NGEF: variants seen among roughly 807,000 people sequenced by gnomAD.
The protein encoded by NGEF is ephexin-1.
In NGEF, 31 loss-of-function variants were observed where a neutral mutation model predicts 80.9. The observed-to-expected ratio is 0.38, with a 90% CI of 0.29 to 0.52. The LOEUF is 0.52. Among genes scored for constraint, NGEF ranks in the 20% least tolerant of loss-of-function variants. The pLI is 0.84. For synonymous variants in NGEF, 371 were observed against 370.2 expected (o/e 1.00, Z -0.03); for missense variants, 709 against 926.2 (o/e 0.77, Z 3.04).
rs1691924869 is a variant in NGEF, at chr2:232,892,818, G to A, written c.1142+80C>T. 6.8e-7 allele frequency: 1 copy of A among 1,471,650 alleles called. No homozygotes were observed. The allele number at this position is 1,471,650 out of a possible 1,614,324, so 91.2% of individuals were successfully genotyped here. Reference sequence around the variant, plus strand: ...GTAAAGGACCATGAAGTGTCACCGTGTAAGGAGCCTGGGCCAGCACTGGTA... The same window carrying A: ...GTAAAGGACCATGAAGTGTCACCGTATAAGGAGCCTGGGCCAGCACTGGTA... On this transcript the variant is annotated intron_variant, in intron 7 of 14. Coordinates refer to ENST00000264051, the MANE Select transcript of NGEF (RefSeq NM_019850.3). The surrounding 1 kb of genome is among the most constrained non-coding windows in gnomAD (Gnocchi z 4.0).
rs1694159889 is a variant in NGEF at position 232,970,306 on chromosome 2, A to G, written c.291T>C (p.Ser97=). ...CLADSQDNGK[S]VNEPLTLNIP... is the part of the protein sequence containing the mutation. ...TATTCAAGGTCAGGGGCTCATTTAC[A>G]GATTTTCCATTGTCCTGTGAATCTG... Residue 97 remains serine (S), a synonymous_variant, in exon 3 of 15, where the codon TCT becomes TCC. Transcript: ENST00000264051. The G allele has an allele frequency of 2.4e-5, 38 of 1,601,502 alleles. No homozygotes were observed. Among genetic ancestry groups the G allele is most frequent in the Non-Finnish European group, 3.1e-5 (37 of 1,175,504 alleles).
intron 3 of NGEF, among the ~76,000 whole-genome samples, chr2:232,948,163 G>T (rs1023582139): frequency 6.6e-6 from 1 of 150,830 alleles, no homozygotes; most frequent in Non-Finnish European, 1.5e-5. Flanking sequence ...GTGTGTGTGT[G>T]TGTGTGTGTG....
chr2:232,941,564 CA>C (rs1302433694), intron 3 of NGEF, among the ~76,000 whole-genome samples: 1 of 152,178 alleles, frequency 6.6e-6, no homozygotes, highest in Non-Finnish European at 1.5e-5. Context: ...CATAATTTTG[CA>C]AAGGCGGTTT....
chr2:232,911,305 T>C (rs1005615076), intron 5 of NGEF, among the ~76,000 whole-genome samples: 5 of 152,172 alleles, frequency 3.3e-5, no homozygotes, highest in Non-Finnish European at 7.4e-5. Flanking sequence ...TTGCCAAATA[T>C]CAATCAACCA....
intron 4 of NGEF, among the ~76,000 whole-genome samples, chr2:232,925,813 G>T (rs2592128): frequency 0.43 from 64,680 of 151,666 alleles, 13,847 homozygotes; most frequent in Admixed American, 0.45. Context: ...GATTTTCTAT[G>T]TGGCATCAGT....
intron 12 of NGEF, among the ~76,000 whole-genome samples, chr2:232,883,034 A>C (rs1691558721): frequency 6.6e-6 from 1 of 151,188 alleles, no homozygotes; most frequent in Non-Finnish European, 1.5e-5. Flanking sequence ...ACTCGCCCAG[A>C]GTCTGAAGCC....
At chr2:232,930,015 G>A (rs879716590) in intron 3 of NGEF, among the ~76,000 whole-genome samples, 11 of 152,180 alleles carry the variant, frequency 7.2e-5, no homozygotes, top group Admixed American at 3.3e-4. Context: ...CGTGCCTTTC[G>A]CCTTCTGCCA....
At chr2:232,906,396 G>C (rs368644391) in intron 5 of NGEF, among the ~76,000 whole-genome samples, 1 of 109,696 alleles carries the variant, frequency 9.1e-6, no homozygotes, top group African/African-American at 3.4e-5. Flanking sequence ...GAGGGAGGTG[G>C]GGGGGTCAGC....
chr2:232,891,371 T>C lies in NGEF; in HGVS notation c.1259A>G (p.Lys420Arg), dbSNP rs1157845742. The C allele has an allele frequency of 1.9e-6, 3 of 1,613,490 alleles. No individual in the cohort carries two copies. Among genetic ancestry groups the C allele is most frequent in the Non-Finnish European group, 2.5e-6 (3 of 1,179,946 alleles). ...AGGAGGCTGTACCTGGACCAACAGC[T>C]TGAGGCGTGTGATCCTCTGGAAAGG... The part of the protein sequence containing the change: ...ILPFQRITRL[K>R]LLVQNILKRV... The change falls in exon 8 of 15, where the codon AAG becomes AGG. Residue 420 changes from lysine to arginine, a missense_variant. Lys to Arg is a conservative substitution (Grantham distance 26). Coordinates refer to ENST00000264051, the MANE Select transcript of NGEF (RefSeq NM_019850.3).
At chr2:232,904,243 T>C (rs1004068797) in intron 5 of NGEF, among the ~76,000 whole-genome samples, 4 of 151,990 alleles carry the variant, frequency 2.6e-5, no homozygotes, top group African/African-American at 9.7e-5. Context: ...CTGGAGAGCC[T>C]CACATCATTC....
At chr2:232,907,916 T>C (rs943832354) in intron 5 of NGEF, among the ~76,000 whole-genome samples, 14 of 152,098 alleles carry the variant, frequency 9.2e-5, no homozygotes, top group Non-Finnish European at 1.5e-5. Flanking sequence ...CGACACCAGC[T>C]TGGCCAACAT....
chr2:232,905,250 C>T (rs973709425), intron 5 of NGEF, among the ~76,000 whole-genome samples: 9 of 152,216 alleles, frequency 5.9e-5, no homozygotes, highest in Non-Finnish European at 1.0e-4. Flanking sequence ...TGCAGGCGCG[C>T]GCCGCCACGC....
chr2:232,923,733 A>G (rs562161164), intron 4 of NGEF, among the ~76,000 whole-genome samples: 45 of 152,286 alleles, frequency 3.0e-4, no homozygotes, highest in African/African-American at 1.1e-3. Context: ...AAAACCTACC[A>G]TGACAGTTCC....
At chr2:232,982,401 G>A (rs1295590292) in intron 1 of NGEF, among the ~76,000 whole-genome samples, 1 of 152,182 alleles carries the variant, frequency 6.6e-6, no homozygotes, top group Non-Finnish European at 1.5e-5. Flanking sequence ...GGTGCCCCCA[G>A]CACCCCTAAG....
chr2:232,974,486 A>T, intron 2 of NGEF, 137 bp downstream of exon 2: 1 of 1,051,388 alleles, frequency 9.5e-7, no homozygotes, highest in Admixed American at 2.4e-5. Context: ...ATGGTTTTAA[A>T]ATGCACTACC....
chr2:232,886,212 CTG>C (rs369544162), intron 9 of NGEF, among the ~76,000 whole-genome samples: 28 of 76,040 alleles, frequency 3.7e-4, no homozygotes, highest in East Asian at 3.6e-3. Context: ...GCTATGCATA[CTG>C]TGTGTGATAA....
rs558297292 is a variant in NGEF at position 232,879,573 on chromosome 2, T to C, written c.2049A>G (p.Glu683=). The change falls in exon 15 of 15, where the codon GAA becomes GAG. Residue 683 remains glutamate (E), a synonymous_variant. Transcript: ENST00000264051. ...NPKIRSQNLK[E]CFRVHKMDDP... is the part of the protein sequence containing the mutation. ...CATCCATCTTGTGGACACGGAAACA[T>C]TCCTTGAGGTTCTGGGACCGGATCT... The C allele has an allele frequency of 6.9e-5, 111 of 1,613,924 alleles. 1 individual carries two copies. The South Asian group carries it at 1.2e-3, about 17-fold the overall frequency.
In NGEF at chr2:232,898,972, ATG is replaced by A. The variant is rs372205693; in HGVS notation, c.829-4058_829-4057del. ...TGTAAGTGAATGTGTGTGTGAATGC[ATG>A]TGTGTGTGTGAATGTGAGTGTGAAT... On this transcript the variant is annotated intron_variant, in intron 5 of 14. Transcript: ENST00000264051. 7.3e-3 allele frequency among the ~76,000 whole-genome samples: 1,084 copies of A among 149,014 alleles called. 8 individuals carry two copies. Among genetic ancestry groups the A allele is most frequent in the African/African-American group, 0.024 (950 of 38,866 alleles).
chr2:232,970,226 G>T lies in NGEF; in HGVS notation c.371C>A (p.Ala124Asp). 11 of 1,584,056 alleles carry T rather than the reference G, an allele frequency of 6.9e-6. No homozygotes were observed. The highest frequency in any genetic ancestry group is 9.4e-6 in the Non-Finnish European group (11 of 1,168,074). ...TGCCATCTCTTACCTCATTTCCTGG[G>T]CTCCTGGGTCTGTCTGCATTGCTGT... ...CRTAMQTDPG[A>D]QEMSESSSTP... The change falls in exon 3 of 15, where the codon GCC becomes GAC. Residue 124 changes from alanine (A) to aspartate (D), a missense_variant. Ala to Asp is a moderately radical substitution (Grantham distance 126). Transcript: ENST00000264051.
Sources: gnomAD v4.1 joint callset for allele counts (sites outside exome capture counted in the v4.1 genomes callset) on GRCh38, gnomAD v4.1.1 for gene constraint, Gnocchi (gnomAD v3.1) non-coding constraint, MANE v1.5 for transcripts, NCBI Gene and HGNC (gene_info 2026-07-23, HGNC 2026-07-21) for gene names.